Variants in SAV1 observed in about 807,000 individuals in gnomAD.
SAV1 encodes salvador family WW domain containing protein 1.
A neutral mutation model predicts 47.3 loss-of-function variants in SAV1; 23 were observed. The observed-to-expected ratio is 0.49, with a 90% CI of 0.35 to 0.69. SAV1 has a LOEUF of 0.69. SAV1 is among the 30% of genes least tolerant of loss of function. The pLI is 0.01. For synonymous variants in SAV1, 155 were observed against 159.2 expected (o/e 0.97, Z 0.20); for missense variants, 448 against 457.4 (o/e 0.98, Z 0.19).
intron 2 of SAV1, among the ~76,000 whole-genome samples, chr14:50,648,036 T>C (rs2039736873): frequency 6.6e-6 from 1 of 152,386 alleles, no homozygotes; most frequent in African/African-American, 2.4e-5. Flanking sequence ...AAAGTGGAAA[T>C]GACACACATG....
At chr14:50,644,525 A>G (rs757756103) in intron 3 of SAV1, among the ~76,000 whole-genome samples, 64 of 151,780 alleles carry the variant, frequency 4.2e-4, no homozygotes, top group Non-Finnish European at 7.4e-4. Flanking sequence ...AAGAACAATG[A>G]TCTTGTTTTT....
intron 2 of SAV1, among the ~76,000 whole-genome samples, chr14:50,650,931 G>A (rs564507000): frequency 1.3e-5 from 2 of 152,134 alleles, no homozygotes; most frequent in South Asian, 4.1e-4. Flanking sequence ...GCTGAGGCAG[G>A]AGAACACTTG....
chr14:50,648,556 G>A (rs1221085060), intron 2 of SAV1, among the ~76,000 whole-genome samples: 2 of 152,176 alleles, frequency 1.3e-5, no homozygotes, highest in African/African-American at 2.4e-5. Context: ...GAGGCGGGCA[G>A]ATCATGAGGT....
Position 50,665,257 on chromosome 14 carries a change from G to A in SAV1, c.457C>T (p.His153Tyr). ...QRKRPLGDRA[H>Y]EDYRYYEYNH... The stretch of plus-strand genomic sequence containing the variant: ...TATTCATAATATCTGTAGTCTTCAT[G>A]TGCACGATCTCCAAGTGGCCGCTTT... The change falls in exon 2 of 5, where the codon CAT becomes TAT. Residue 153 changes from histidine to tyrosine, a missense_variant. Coordinates refer to ENST00000324679, the MANE Select transcript of SAV1 (RefSeq NM_021818.4). 23 of 1,613,784 alleles carry A rather than the reference G, an allele frequency of 1.4e-5. No individual in the cohort carries two copies. The highest frequency in any genetic ancestry group is 1.4e-5 in the Non-Finnish European group (16 of 1,179,784).
chr14:50,643,312 A>G lies in SAV1; in HGVS notation c.806+1432T>C, dbSNP rs1342743376. On this transcript the variant is annotated intron_variant, in intron 3 of 4. Transcript: ENST00000324679. ...AAACTGGGTAATTTATAAAGAAAAG[A>G]GGTTTAATTGACCCACAGTTCCATA... is the stretch of plus-strand genomic sequence containing the variant. 2.6e-5 allele frequency among the ~76,000 whole-genome samples: 4 copies of G among 152,344 alleles called. No homozygotes were observed. The South Asian group carries it at 6.2e-4, about 24-fold the overall frequency.
chr14:50,657,784 G>C (rs886885299), intron 2 of SAV1, among the ~76,000 whole-genome samples: 2 of 152,192 alleles, frequency 1.3e-5, no homozygotes, highest in South Asian at 2.1e-4. Flanking sequence ...TTAATACAAA[G>C]TAAAACATTC....
rs145279394 is a variant in SAV1, at chr14:50,650,977, G to A, written c.536-5963C>T. ...ATGGAGGATGCAGTGAGCCGAGAGC[G>A]CGCCACTGCACTCAAGCCTGAGCAA... On this transcript the variant is annotated intron_variant, in intron 2 of 4. Transcript: ENST00000324679. Among the ~76,000 whole-genome samples, 139 of 151,822 alleles carry A rather than the reference G, an allele frequency of 9.2e-4. 1 individual carries two copies. The South Asian group carries it at 0.018, about 19-fold the overall frequency.
chr14:50,667,244 C>T (rs2039909559), intron 1 of SAV1: 2 of 237,812 alleles, frequency 8.4e-6, no homozygotes. Flanking sequence ...TTCTCTAATA[C>T]GATAGAAATT....
chr14:50,638,963 T>A (rs1366862433), intron 4 of SAV1, among the ~76,000 whole-genome samples: 1 of 152,122 alleles, frequency 6.6e-6, no homozygotes, highest in Non-Finnish European at 1.5e-5. Context: ...GATACAGAGT[T>A]TCACTGTGTT....
At chr14:50,647,609 A>G (rs1399070472) in intron 2 of SAV1, among the ~76,000 whole-genome samples, 1 of 152,224 alleles carries the variant, frequency 6.6e-6, no homozygotes, top group Non-Finnish European at 1.5e-5. Context: ...ACCCAGTTAA[A>G]AAAAAGGGGG....
intron 3 of SAV1, among the ~76,000 whole-genome samples, chr14:50,642,491 G>GA (rs566683259): frequency 0.017 from 1,877 of 109,658 alleles, 22 homozygotes; most frequent in African/African-American, 0.043. Flanking sequence ...CTCCGTCTCA[G>GA]AAAAAAAAAA....
At chr14:50,657,024 CTT>C (rs3080610) in intron 2 of SAV1, among the ~76,000 whole-genome samples, 327 of 122,210 alleles carry the variant, frequency 2.7e-3, no homozygotes, top group East Asian at 7.1e-3. Context: ...AAAACACTCA[CTT>C]TTTTTTTTTT....
At chr14:50,637,129 T>C (rs1253427353) in intron 4 of SAV1, among the ~76,000 whole-genome samples, 1 of 152,170 alleles carries the variant, frequency 6.6e-6, no homozygotes, top group Non-Finnish European at 1.5e-5. Context: ...TAATACAACA[T>C]GCAAAAACTG....
At chr14:50,648,670 T>C (rs774587134) in intron 2 of SAV1, among the ~76,000 whole-genome samples, 34 of 151,678 alleles carry the variant, frequency 2.2e-4, no homozygotes, top group Non-Finnish European at 4.4e-4. Context: ...CCCAGCTACT[T>C]GGGAGGCTGA....
At chr14:50,658,250 C>G (rs1413179297) in intron 2 of SAV1, among the ~76,000 whole-genome samples, 1 of 152,166 alleles carries the variant, frequency 6.6e-6, no homozygotes, top group Non-Finnish European at 1.5e-5. Context: ...ACTTTTCAGT[C>G]TGATTTTTGT....
chr14:50,655,875 A>T (rs751208928), intron 2 of SAV1, among the ~76,000 whole-genome samples: 4 of 152,062 alleles, frequency 2.6e-5, no homozygotes, highest in Non-Finnish European at 5.9e-5. Context: ...GAGAAACCCC[A>T]TCTCTACTAA....
intron 1 of SAV1, among the ~76,000 whole-genome samples, chr14:50,666,697 TA>T (rs2140267997): frequency 6.6e-6 from 1 of 151,766 alleles, no homozygotes; most frequent in East Asian, 1.9e-4. Context: ...TAATGTCTGA[TA>T]AACTTTATTT....
chr14:50,636,605 C>T (rs1014706228), intron 4 of SAV1, among the ~76,000 whole-genome samples: 6 of 152,086 alleles, frequency 3.9e-5, no homozygotes, highest in Non-Finnish European at 8.8e-5. Context: ...CTTTAGTAGT[C>T]GGCTACATAG....
At chr14:50,654,960 C>T (rs1310520444) in intron 2 of SAV1, among the ~76,000 whole-genome samples, 1 of 151,810 alleles carries the variant, frequency 6.6e-6, no homozygotes, top group Non-Finnish European at 1.5e-5. Flanking sequence ...ACAAGTAGAT[C>T]ACCCTTGTTC....
Sources: allele counts gnomAD v4.1 joint callset (sites outside exome capture counted in the v4.1 genomes callset), GRCh38; gene constraint gnomAD v4.1.1; transcripts MANE v1.5; gene names NCBI Gene and HGNC (gene_info 2026-07-23, HGNC 2026-07-21).